ADAMTSL1: variants seen among roughly 807,000 people sequenced by gnomAD.
The protein encoded by ADAMTSL1 is ADAMTS-like protein 1.
Under a neutral mutation model 201.8 loss-of-function variants are expected in ADAMTSL1, and 126 were observed. That is an observed-to-expected ratio of 0.62 (90% confidence interval 0.54 to 0.72). ADAMTSL1 has a LOEUF of 0.72. Among genes scored for constraint, ADAMTSL1 ranks in the 30% least tolerant of loss-of-function variants. ADAMTSL1 has a pLI of 0.00. For synonymous variants in ADAMTSL1, 1,121 were observed against 903.4 expected (o/e 1.24, Z -4.32); for missense variants, 2,679 against 2,277.8 (o/e 1.18, Z -3.59).
chr9:18,246,243 T>C (rs1587389416), intron 2 of ADAMTSL1, among the ~76,000 whole-genome samples: 1 of 152,308 alleles, frequency 6.6e-6, no homozygotes, highest in East Asian at 1.9e-4. Context: ...AGAAGAATAA[T>C]TGGGTTAATT....
Position 18,892,555 on chromosome 9 carries a change from C to A in ADAMTSL1, c.4810C>A (p.Gln1604Lys). Residue 1604 changes from glutamine to lysine, a missense_variant, in exon 26 of 29, where the codon CAG (glutamine) becomes AAG (lysine). By Grantham distance (53) the Gln-to-Lys change is moderately conservative. Transcript: ENST00000380548. ...KRPVDTQACN[Q>K]QLCVEWAFSS... ...GCCTGTGGACACCCAGGCCTGTAAC[C>A]AGCAGCTGTGTGTGGAGTGGGCCTT... The A allele has an allele frequency of 6.3e-7, 1 of 1,577,244 alleles. No individual in the cohort carries two copies. The highest frequency in any genetic ancestry group is 8.6e-7 in the Non-Finnish European group (1 of 1,161,268).
chr9:18,648,493 T>C (rs1480427901), intron 7 of ADAMTSL1, among the ~76,000 whole-genome samples: 1 of 152,138 alleles, frequency 6.6e-6, no homozygotes, highest in Non-Finnish European at 1.5e-5. Context: ...TGATGGTCTT[T>C]ACATTTTGGC....
At position 18,807,658 on chromosome 9, in the gene ADAMTSL1, AC is replaced by A. The variant is rs149852094; in HGVS notation, c.3806-9450del. ...GAGACTCTGTCTCAAAAAAAAAAAA[AC>A]AAAAAAAAAACAAAGCATACATAGT... On this transcript the variant is annotated intron_variant, in intron 20 of 28. Coordinates refer to ENST00000380548, the MANE Select transcript of ADAMTSL1 (RefSeq NM_001040272.6). Among the ~76,000 whole-genome samples, 322 of 87,586 alleles carry A rather than the reference AC, an allele frequency of 3.7e-3. 2 individuals are homozygous for A. The highest frequency in any genetic ancestry group is 9.1e-3 in the African/African-American group (268 of 29,600). The allele number at this position is 87,586 out of a possible 152,430, so 57.5% of individuals were successfully genotyped here.
chr9:18,280,873 C>CTTTTTTTTTTTTTTTTTTTTTTTT, intron 2 of ADAMTSL1, among the ~76,000 whole-genome samples: 1 of 131,848 alleles, frequency 7.6e-6, no homozygotes, highest in Non-Finnish European at 1.6e-5. Flanking sequence ...CTGCATTCCG[C>CTTTTTTTTTTTTTTTTTTTTTTTT]TTTTTTTTTT....
intron 2 of ADAMTSL1, among the ~76,000 whole-genome samples, chr9:18,356,892 G>A (rs1236314279): frequency 6.6e-6 from 1 of 152,184 alleles, no homozygotes; most frequent in Non-Finnish European, 1.5e-5. Flanking sequence ...GTAGACATCT[G>A]TGCTGAGATC....
At position 18,059,400 on chromosome 9, in the gene ADAMTSL1, A is replaced by T. The variant is rs1822350202; in HGVS notation, c.88-104462A>T. 2.6e-5 allele frequency among the ~76,000 whole-genome samples: 4 copies of T among 152,272 alleles called. No homozygotes were observed. In the South Asian group the frequency reaches 8.3e-4, roughly 32 times the overall value. On this transcript the variant is annotated intron_variant, in intron 1 of 29. Coordinates refer to the ADAMTSL1 transcript ENST00000680146. ...AATTTCATGTCATGTATTTTGTGAA[A>T]TATTGGAATGTGTATAAAATTTTTG...
intron 15 of ADAMTSL1, among the ~76,000 whole-genome samples, chr9:18,725,210 T>C (rs1817802851): frequency 6.6e-6 from 1 of 152,116 alleles, no homozygotes; most frequent in African/African-American, 2.4e-5. Context: ...CCGGCCAGGA[T>C]TGAACCTTTT....
chr9:18,330,480 C>T (rs1006698016), intron 2 of ADAMTSL1, among the ~76,000 whole-genome samples: 2 of 152,072 alleles, frequency 1.3e-5, no homozygotes, highest in South Asian at 2.1e-4. Context: ...ATCTCTCATC[C>T]TATTCCCTCA....
At chr9:18,108,163 A>T (rs1001807131) in intron 1 of ADAMTSL1, among the ~76,000 whole-genome samples, 1 of 149,432 alleles carries the variant, frequency 6.7e-6, no homozygotes, top group Admixed American at 6.7e-5. Flanking sequence ...AGCAAAAAGT[A>T]TTCACGTTAA....
chr9:18,019,718 A>T (rs1820403323), intron 1 of ADAMTSL1, among the ~76,000 whole-genome samples: 1 of 152,112 alleles, frequency 6.6e-6, no homozygotes, highest in Non-Finnish European at 1.5e-5. Flanking sequence ...GACTTAGGGG[A>T]ACAGAGACAG....
In ADAMTSL1 at chr9:18,684,757, G is replaced by A; in HGVS notation, c.1531G>A (p.Ala511Thr). Residue 511 changes from alanine to threonine, a missense_variant, in exon 13 of 29, where the codon GCT (alanine) becomes ACT (threonine). Transcript: ENST00000380548. ...GGCCAAGTTGCCATGGTTCAAACAA[G>A]CTCAAGAGCTAGAAGAAGGAGCTGC... The part of the protein sequence containing the change: ...VEAKLPWFKQ[A>T]QELEEGAAVS... The A allele has an allele frequency of 6.2e-7, 1 of 1,613,100 alleles. No homozygotes were observed. The highest frequency in any genetic ancestry group is 1.1e-5 in the South Asian group (1 of 90,544).
chr9:18,148,445 A>G (rs1826756089), intron 1 of ADAMTSL1, among the ~76,000 whole-genome samples: 1 of 152,056 alleles, frequency 6.6e-6, no homozygotes, highest in Non-Finnish European at 1.5e-5. Context: ...AAGTCAAGTC[A>G]AATGGGAATC....
chr9:18,853,482 C>A (rs1156419422), intron 23 of ADAMTSL1, among the ~76,000 whole-genome samples: 1 of 152,114 alleles, frequency 6.6e-6, no homozygotes, highest in South Asian at 2.1e-4. Flanking sequence ...GCCACAGGAC[C>A]AGTTAACAGG....
At chr9:18,062,597 A>G (rs1339984757) in intron 1 of ADAMTSL1, among the ~76,000 whole-genome samples, 1 of 152,160 alleles carries the variant, frequency 6.6e-6, no homozygotes, top group Non-Finnish European at 1.5e-5. Context: ...AATAAGAGGA[A>G]TAAGAAATCA....
At chr9:18,463,848 A>G (rs758580813) in intron 2 of ADAMTSL1, among the ~76,000 whole-genome samples, 2 of 152,112 alleles carry the variant, frequency 1.3e-5, no homozygotes, top group South Asian at 4.1e-4. Context: ...TTGAATCTCT[A>G]CTTTCATTTC....
rs1478165275 is a variant in ADAMTSL1, at chr9:18,006,229, T to G, written c.87+99307T>G. On this transcript the variant is annotated intron_variant, in intron 1 of 29. Coordinates refer to the ADAMTSL1 transcript ENST00000680146. ...CAGTCCATTGTATAATATTTTACAC[T>G]AGAGGTTAATAACTTCAACAGCATA... is the stretch of plus-strand genomic sequence containing the variant. 2.6e-5 allele frequency among the ~76,000 whole-genome samples: 4 copies of G among 152,056 alleles called. No homozygotes were observed. The East Asian group carries it at 7.8e-4, about 29-fold the overall frequency.
chr9:18,842,578 A>T (rs1825792900), intron 23 of ADAMTSL1, among the ~76,000 whole-genome samples: 1 of 152,120 alleles, frequency 6.6e-6, no homozygotes. Flanking sequence ...GCTGAGTTCA[A>T]TTCCTGGGTA....
At chr9:18,256,942 A>G (rs989935638) in intron 2 of ADAMTSL1, among the ~76,000 whole-genome samples, 4 of 152,216 alleles carry the variant, frequency 2.6e-5, no homozygotes, top group African/African-American at 9.7e-5. Context: ...TTTATCTGCC[A>G]GAGAAGTCCC....
At chr9:18,031,762 G>A (rs1323675263) in intron 1 of ADAMTSL1, among the ~76,000 whole-genome samples, 1 of 152,112 alleles carries the variant, frequency 6.6e-6, no homozygotes, top group Non-Finnish European at 1.5e-5. Flanking sequence ...CCTCCTTTAG[G>A]GGTGGCCTGA....
Sources: allele counts gnomAD v4.1 joint callset (sites outside exome capture counted in the v4.1 genomes callset), GRCh38; gene constraint gnomAD v4.1.1; transcripts MANE v1.5; gene names NCBI Gene and HGNC (gene_info 2026-07-23, HGNC 2026-07-21).